Variants in NEBL observed in about 807,000 individuals in gnomAD.
NEBL encodes the protein LIM and SH3 protein 2.
NEBL carries 122 observed loss-of-function variants against 140.2 expected under a neutral mutation model. That is an observed-to-expected ratio of 0.87 (90% CI 0.75 to 1.01). The LOEUF is 1.01. Ranked by LOEUF, NEBL falls within the 50% of genes least tolerant of loss-of-function variation. The pLI is 0.00. For synonymous variants in NEBL, 436 were observed against 398.9 expected, an observed-to-expected ratio of 1.09 and a Z score of -1.11; for missense variants, 1,365 against 1,231.3, an observed-to-expected ratio of 1.11 and a Z score of -1.62.
At chr10:21,161,093 T>G (rs1030261500) in intron 2 of NEBL, among the ~76,000 whole-genome samples, 20 of 152,232 alleles carry the variant, frequency 1.3e-4, no homozygotes, top group African/African-American at 4.8e-4. Context: ...TTGCTACTGT[T>G]CATGTGCATT....
upstream of NEBL, among the ~76,000 whole-genome samples, chr10:20,901,059 C>T (rs896014576): frequency 4.6e-5 from 7 of 151,818 alleles, no homozygotes; most frequent in Non-Finnish European, 1.0e-4. Flanking sequence ...ATAGTGGAGC[C>T]CCTCACAAAC....
intron 2 of NEBL, among the ~76,000 whole-genome samples, chr10:21,137,782 A>G (rs1411923633): frequency 6.6e-6 from 1 of 152,040 alleles, no homozygotes; most frequent in Non-Finnish European, 1.5e-5. Flanking sequence ...CTACAAAAAA[A>G]ATAAAACTAA....
Position 20,817,592 on chromosome 10 carries a change from G to C in NEBL, c.2148+8C>G, listed in dbSNP as rs920159546. ...AGTGTAAGAAAAAAGTTACTAAGAT[G>C]ATCACACATTGCTGATGTTTTTCTG... On this transcript the variant is annotated splice_region_variant and intron_variant, in intron 21 of 27. Transcript: ENST00000377122. 3.7e-6 allele frequency: 6 copies of C among 1,600,284 alleles called. No individual in the cohort carries two copies. The highest frequency in any genetic ancestry group is 5.1e-6 in the Non-Finnish European group (6 of 1,167,588).
chr10:20,991,135 A>T (rs1837439519), intron 3 of NEBL, among the ~76,000 whole-genome samples: 1 of 152,162 alleles, frequency 6.6e-6, no homozygotes, highest in Non-Finnish European at 1.5e-5. Flanking sequence ...TTCATTTAAC[A>T]ATTTTCTCTG....
intron 3 of NEBL, among the ~76,000 whole-genome samples, chr10:20,993,549 C>T (rs1416554003): frequency 1.3e-5 from 2 of 152,188 alleles, no homozygotes; most frequent in Non-Finnish European, 2.9e-5. Context: ...TTTATTTCTG[C>T]TCCACATGTC....
intron 2 of NEBL, among the ~76,000 whole-genome samples, chr10:21,130,641 G>C (rs939751145): frequency 6.6e-6 from 1 of 151,950 alleles, no homozygotes; most frequent in African/African-American, 2.4e-5. Context: ...AATAACACAT[G>C]GTTCAAAGAA....
chr10:20,847,371 G>T, intron 11 of NEBL, among the ~76,000 whole-genome samples: 1 of 152,096 alleles, frequency 6.6e-6, no homozygotes, highest in East Asian at 1.9e-4. Flanking sequence ...GTCTCACTTG[G>T]CAAGAGTGAG....
At chr10:21,155,249 T>C (rs1840295793) in intron 2 of NEBL, among the ~76,000 whole-genome samples, 1 of 152,138 alleles carries the variant, frequency 6.6e-6, no homozygotes. Context: ...GGGGTATCCA[T>C]CCCCTCAAGC....
intron 1 of NEBL, among the ~76,000 whole-genome samples, chr10:21,275,003 C>T (rs1842902230): frequency 6.6e-6 from 1 of 151,932 alleles, no homozygotes; most frequent in Non-Finnish European, 1.5e-5. Context: ...GGAAGAAAGT[C>T]CATGTGTAAG....
chr10:20,962,704 G>T (rs1836108078), intron 3 of NEBL, among the ~76,000 whole-genome samples: 1 of 151,918 alleles, frequency 6.6e-6, no homozygotes, highest in Non-Finnish European at 1.5e-5. Flanking sequence ...TAAATATCAA[G>T]AAATTTGGAA....
chr10:21,227,780 T>C (rs1489390658), intron 3 of NEBL, among the ~76,000 whole-genome samples: 3 of 149,458 alleles, frequency 2.0e-5, no homozygotes, highest in African/African-American at 7.5e-5. Context: ...TTCTGCTTCT[T>C]CTTTCTCTTC....
At chr10:20,952,904 CAAAAAAAAAA>C (rs34713711) in intron 4 of NEBL, among the ~76,000 whole-genome samples, 5 of 62,356 alleles carry the variant, frequency 8.0e-5, no homozygotes, top group Admixed American at 2.3e-4. Context: ...GACCCTGTCT[CAAAAAAAAAA>C]AAAAAAAAAA....
chr10:21,214,079 C>T (rs1841954330), intron 3 of NEBL, among the ~76,000 whole-genome samples: 1 of 151,870 alleles, frequency 6.6e-6, no homozygotes, highest in Non-Finnish European at 1.5e-5. Context: ...TAACTTCTGT[C>T]TTAGTCTTCT....
chr10:21,213,662 G>A (rs77324752), intron 3 of NEBL, among the ~76,000 whole-genome samples: 41 of 152,294 alleles, frequency 2.7e-4, no homozygotes, highest in African/African-American at 9.6e-4. Context: ...GAAGGCCTGG[G>A]GCGACCTGGG....
At chr10:21,134,570 C>T (rs1008720216) in intron 2 of NEBL, among the ~76,000 whole-genome samples, 7 of 152,140 alleles carry the variant, frequency 4.6e-5, no homozygotes, top group Non-Finnish European at 7.3e-5. Flanking sequence ...TTTACACGGT[C>T]GATCCCTAAT....
At chr10:20,999,673 G>T (rs1032701501) in intron 3 of NEBL, among the ~76,000 whole-genome samples, 6 of 152,012 alleles carry the variant, frequency 3.9e-5, no homozygotes, top group Admixed American at 2.0e-4. Flanking sequence ...ACCCAGGGTT[G>T]TAAAAGCCAA....
chr10:21,006,574 T>C (rs1224935214), intron 3 of NEBL, among the ~76,000 whole-genome samples: 1 of 152,202 alleles, frequency 6.6e-6, no homozygotes, highest in African/African-American at 2.4e-5. Context: ...TGAGACTTTC[T>C]AGGGTTCCAC....
Position 20,845,353 on chromosome 10 carries a change from C to G in NEBL, c.1132G>C (p.Asp378His), listed in dbSNP as rs41277370. ...CTTCCTTTAATCTCCTTCTCAAAAT[C>G]CTCTTTGTAAACTTTCTGTTAAATA... The part of the protein sequence containing the change: ...KMQSEKVYKE[D>H]FEKEIKGRSS... Residue 378 changes from aspartate (D) to histidine (H), a missense_variant, in exon 12 of 28, where the codon GAT (aspartate) becomes CAT (histidine). Asp to His is a moderately conservative substitution (Grantham distance 81, BLOSUM62 -1). Around this residue, in one of 2 missense-constraint regions of NEBL, gnomAD observed 1,323 missense variants for 1,154.8 expected, o/e 1.15. Coordinates refer to ENST00000377122, the MANE Select transcript of NEBL (RefSeq NM_006393.3). 116,129 of 1,588,688 alleles carry G rather than the reference C, an allele frequency of 0.073. 4,929 individuals are homozygous for G. The highest frequency in any genetic ancestry group is 0.17 in the Middle Eastern group (1,018 of 6,000).
At chr10:20,907,668 T>C (rs1408736648) in intron 4 of NEBL, among the ~76,000 whole-genome samples, 1 of 152,166 alleles carries the variant, frequency 6.6e-6, no homozygotes, top group Non-Finnish European at 1.5e-5. Flanking sequence ...TGGCATCTCA[T>C]GAAAAGAACC....
Sources: allele counts gnomAD v4.1 joint callset (sites outside exome capture counted in the v4.1 genomes callset), GRCh38; gene constraint gnomAD v4.1.1; regional missense constraint gnomAD v4.1.1; transcripts MANE v1.5; gene names NCBI Gene and HGNC (gene_info 2026-07-23, HGNC 2026-07-21).